Variants in PCDH9 observed in about 807,000 individuals in gnomAD.
PCDH9 encodes protocadherin 9.
A neutral mutation model predicts 70.6 loss-of-function variants in PCDH9; 24 were observed. That is an observed-to-expected ratio of 0.34 (90% CI 0.25 to 0.48). The LOEUF (loss-of-function observed/expected upper bound fraction) is 0.48. Ranked by LOEUF, PCDH9 falls within the 20% of genes least tolerant of loss-of-function variation. The pLI is 0.99. For missense variants in PCDH9, 1,281 were observed against 1,503.6 expected (o/e 0.85, Z 2.45); for synonymous variants, 562 against 558.5 (o/e 1.01, Z -0.09).
At chr13:67,192,926 C>G (rs1461074801) in intron 2 of PCDH9, among the ~76,000 whole-genome samples, 2 of 152,118 alleles carry the variant, frequency 1.3e-5, no homozygotes, top group African/African-American at 4.8e-5. Flanking sequence ...AAAGGGAAAA[C>G]TGTTTAACAG....
In PCDH9 at chr13:66,590,179, GT is replaced by G. The variant is rs1339575028; in HGVS notation, c.3340+41030del. Reference sequence around the variant, plus strand: ...ATATCATGTAAATTTGTTTCATGTTGTTTTAAGGTTTCCTATTTTTATGCAT... The same window carrying G: ...ATATCATGTAAATTTGTTTCATGTTGTTTAAGGTTTCCTATTTTTATGCAT... On this transcript the variant is annotated intron_variant, in intron 4 of 4. Coordinates refer to ENST00000377865, the MANE Select transcript of PCDH9 (RefSeq NM_203487.3). Among the ~76,000 whole-genome samples the G allele has an allele frequency of 2.0e-5, 3 of 151,828 alleles. No individual in the cohort carries two copies. The East Asian group carries it at 5.8e-4, about 29-fold the overall frequency.
chr13:67,229,005 T>C (rs995501742), intron 1 of PCDH9, among the ~76,000 whole-genome samples: 4 of 152,232 alleles, frequency 2.6e-5, no homozygotes, highest in Non-Finnish European at 2.9e-5. Flanking sequence ...TGTGTTTTCT[T>C]CTCTGCCCCA....
chr13:66,473,870 T>C (rs1338993145), intron 4 of PCDH9, among the ~76,000 whole-genome samples: 1 of 152,188 alleles, frequency 6.6e-6, no homozygotes, highest in African/African-American at 2.4e-5. Flanking sequence ...TGCAGGTCTC[T>C]GTATGTTTGC....
At chr13:66,369,912 G>A (rs963308713) in intron 4 of PCDH9, among the ~76,000 whole-genome samples, 2 of 152,154 alleles carry the variant, frequency 1.3e-5, no homozygotes, top group Non-Finnish European at 2.9e-5. Context: ...CCAGAAAGCA[G>A]TGGAAGTATT....
chr13:66,801,030 G>A (rs201446054), intron 3 of PCDH9, among the ~76,000 whole-genome samples: 2 of 56,076 alleles, frequency 3.6e-5, no homozygotes, highest in East Asian at 4.5e-4. Flanking sequence ...TTTTTTTTTC[G>A]CCACAGCAAA....
At chr13:67,089,192 G>C (rs1161013918) in intron 2 of PCDH9, among the ~76,000 whole-genome samples, 1 of 152,018 alleles carries the variant, frequency 6.6e-6, no homozygotes, top group Admixed American at 6.6e-5. Flanking sequence ...AAGAAATAGT[G>C]TGTAGGGGAT....
chr13:67,083,174 C>T (rs1186205415), intron 2 of PCDH9, among the ~76,000 whole-genome samples: 1 of 151,994 alleles, frequency 6.6e-6, no homozygotes, highest in Non-Finnish European at 1.5e-5. Context: ...GCATCTCATT[C>T]AACAAAAATA....
intron 2 of PCDH9, among the ~76,000 whole-genome samples, chr13:67,112,803 G>A (rs1303383342): frequency 6.6e-6 from 1 of 151,662 alleles, no homozygotes; most frequent in Admixed American, 6.6e-5. Flanking sequence ...CTGCAGCCTC[G>A]ACCTCCCAAG....
chr13:66,438,423 AGCAAG>A (rs10555518), intron 4 of PCDH9, among the ~76,000 whole-genome samples: 5,743 of 152,288 alleles, frequency 0.038, 338 homozygotes, highest in African/African-American at 0.13. Context: ...TTTAGGCACT[AGCAAG>A]GCAAGGAAGG....
chr13:67,120,121 T>G (rs1213507425), intron 2 of PCDH9, among the ~76,000 whole-genome samples: 2 of 151,484 alleles, frequency 1.3e-5, no homozygotes, highest in South Asian at 4.2e-4. Context: ...CAAGCCTATG[T>G]ATGTTTATAG....
intron 4 of PCDH9, among the ~76,000 whole-genome samples, chr13:66,352,606 A>G (rs551053995): frequency 1.4e-4 from 22 of 152,246 alleles, no homozygotes; most frequent in African/African-American, 4.8e-4. Flanking sequence ...GAGGACACTA[A>G]TCTTATCAGA....
intron 2 of PCDH9, among the ~76,000 whole-genome samples, chr13:66,976,126 A>G (rs2083614842): frequency 6.6e-6 from 1 of 152,110 alleles, no homozygotes; most frequent in African/African-American, 2.4e-5. Flanking sequence ...GGAAAAAAAT[A>G]CACAAAGTGT....
intron 4 of PCDH9, among the ~76,000 whole-genome samples, chr13:66,561,860 C>T (rs982105575): frequency 2.0e-5 from 3 of 152,060 alleles, no homozygotes; most frequent in Non-Finnish European, 4.4e-5. Context: ...GCAGTGGCAA[C>T]CCGCTCGGGT....
intron 3 of PCDH9, among the ~76,000 whole-genome samples, chr13:66,663,515 T>C (rs2078048286): frequency 6.6e-6 from 1 of 152,198 alleles, no homozygotes; most frequent in African/African-American, 2.4e-5. Context: ...AAATACATTT[T>C]CTAACATAGA....
At chr13:66,364,817 A>C (rs1956527199) in intron 4 of PCDH9, among the ~76,000 whole-genome samples, 1 of 152,240 alleles carries the variant, frequency 6.6e-6, no homozygotes, top group South Asian at 2.1e-4. Flanking sequence ...TTTTCTGCAG[A>C]GTAGATGCAC....
At chr13:66,717,985 C>T (rs922138422) in intron 3 of PCDH9, among the ~76,000 whole-genome samples, 1 of 152,084 alleles carries the variant, frequency 6.6e-6, no homozygotes, top group Non-Finnish European at 1.5e-5. Context: ...CATAGCTTAA[C>T]AACTTTAATA....
chr13:66,330,357 G>A (rs1566245620), intron 4 of PCDH9, among the ~76,000 whole-genome samples: 1 of 152,206 alleles, frequency 6.6e-6, no homozygotes, highest in Non-Finnish European at 1.5e-5. Context: ...GACATATTTA[G>A]AAGCAGTTGT....
chr13:67,141,641 G>T (rs2087391836), intron 2 of PCDH9, among the ~76,000 whole-genome samples: 1 of 151,556 alleles, frequency 6.6e-6, no homozygotes, highest in Non-Finnish European at 1.5e-5. Context: ...GAGTTTCACT[G>T]TGTTGGCCAG....
chr13:66,561,511 C>G (rs1246643786), intron 4 of PCDH9, among the ~76,000 whole-genome samples: 2 of 152,188 alleles, frequency 1.3e-5, no homozygotes, highest in African/African-American at 4.8e-5. Context: ...ACTTGGAGAA[C>G]CTTTATGTCT....
Sources: gnomAD v4.1 joint callset for allele counts (sites outside exome capture counted in the v4.1 genomes callset) on GRCh38, gnomAD v4.1.1 for gene constraint, MANE v1.5 for transcripts, NCBI Gene and HGNC (gene_info 2026-07-23, HGNC 2026-07-21) for gene names.